Variants in CNPY3 observed in about 807,000 individuals in gnomAD.
CNPY3 encodes the protein canopy FGF signaling regulator 3.
Under a neutral mutation model 32.0 loss-of-function variants are expected in CNPY3, and 20 were observed. The observed-to-expected ratio is 0.63, with a 90% CI of 0.44 to 0.91. The LOEUF (loss-of-function observed/expected upper bound fraction) is 0.91, where lower values mean the gene tolerates loss of function less well. CNPY3 is among the 40% of genes least tolerant of loss of function. The probability of loss-of-function intolerance (pLI) is 0.00; values close to 1 mark genes in which losing one functional copy is unlikely to be tolerated. For synonymous variants in CNPY3, 138 were observed against 142.9 expected (o/e 0.97, Z 0.24); for missense variants, 299 against 340.8 (o/e 0.88, Z 0.97).
intron 2 of CNPY3, 58 bp from the exon 3 acceptor site, chr6:42,935,516 C>T (rs1221229559): frequency 6.3e-7 from 1 of 1,577,554 alleles, no homozygotes; most frequent in African/African-American, 1.3e-5. Context: ...GAGGGACAGA[C>T]CACTAACCCA....
chr6:42,934,153 A>G (rs908312770), intron 1 of CNPY3, among the ~76,000 whole-genome samples: 2 of 145,236 alleles, frequency 1.4e-5, no homozygotes, highest in Non-Finnish European at 3.0e-5. Context: ...ACTCCATCTC[A>G]AAAAAAAAAA....
chr6:42,931,818 G>A (rs999265565), intron 1 of CNPY3, among the ~76,000 whole-genome samples: 1 of 152,020 alleles, frequency 6.6e-6, no homozygotes, highest in East Asian at 1.9e-4. Flanking sequence ...CTGCCTCCAG[G>A]GTTCAAGTGA....
At chr6:42,931,051 A>G (rs1468439829) in intron 1 of CNPY3, among the ~76,000 whole-genome samples, 1 of 151,726 alleles carries the variant, frequency 6.6e-6, no homozygotes, top group Non-Finnish European at 1.5e-5. Context: ...CACCATGCCC[A>G]GCTAATTTTT....
chr6:42,935,148 G>A (rs1195356635), intron 2 of CNPY3, among the ~76,000 whole-genome samples: 2 of 152,136 alleles, frequency 1.3e-5, no homozygotes, highest in African/African-American at 4.8e-5. Context: ...GATTACAGGT[G>A]TGAGCCACCA....
chr6:42,929,687 G>T lies in CNPY3; in HGVS notation c.117G>T (p.Glu39Asp). 6.4e-7 allele frequency: 1 copy of T among 1,551,116 alleles called. No individual in the cohort carries two copies. The highest frequency in any genetic ancestry group is 8.7e-7 in the Non-Finnish European group (1 of 1,147,120). The change falls in exon 1 of 6, where the codon GAG (glutamate) becomes GAT (aspartate). Residue 39 changes from glutamate to aspartate, a missense_variant. Coordinates refer to ENST00000372836, the MANE Select transcript of CNPY3 (RefSeq NM_006586.5). ...ELGPSQAGAE[E>D]NDWVRLPSKC... is the part of the protein sequence containing the mutation. ...GCCCGAGCCAGGCCGGAGCTGAGGAGAACGACTGGGTTCGCCTGCCCAGCA... is the reference window on the plus strand; with the variant it reads ...GCCCGAGCCAGGCCGGAGCTGAGGATAACGACTGGGTTCGCCTGCCCAGCA...
chr6:42,935,824 CTT>C (rs753087895), intron 3 of CNPY3, among the ~76,000 whole-genome samples, 154 bp downstream of exon 3: 3 of 152,162 alleles, frequency 2.0e-5, no homozygotes, highest in Non-Finnish European at 2.9e-5. Flanking sequence ...CTCCTCCCCT[CTT>C]GAGTGGCCTC....
rs1444012765 is a variant in CNPY3, at chr6:42,929,797, G to C, written c.151+76G>C. The C allele has an allele frequency of 6.8e-6, 10 of 1,466,064 alleles. No individual in the cohort carries two copies. The East Asian group carries it at 1.5e-4, about 22-fold the overall frequency. The allele number at this position is 1,466,064 out of a possible 1,614,324, so 90.8% of individuals were successfully genotyped here. ...GCGGTGGTGCTTGCGGAGCAGCGTCGGGGGTTGCAAGGTTCCGAGCTCTGC... is the reference window on the plus strand; with the variant it reads ...GCGGTGGTGCTTGCGGAGCAGCGTCCGGGGTTGCAAGGTTCCGAGCTCTGC... On this transcript the variant is annotated intron_variant, in intron 1 of 5. Coordinates refer to ENST00000372836, the MANE Select transcript of CNPY3 (RefSeq NM_006586.5).
chr6:42,936,343 A>C (rs1396191426), intron 3 of CNPY3, among the ~76,000 whole-genome samples: 1 of 152,188 alleles, frequency 6.6e-6, no homozygotes, highest in East Asian at 1.9e-4. Context: ...TCAGTAATAA[A>C]TCTGTGTTTG....
intron 1 of CNPY3, among the ~76,000 whole-genome samples, chr6:42,934,124 C>T (rs1581707899): frequency 6.6e-6 from 1 of 151,824 alleles, no homozygotes; most frequent in Admixed American, 6.6e-5. Context: ...TGTACTCTAG[C>T]CTGGGCAACA....
Position 42,929,555 on chromosome 6 carries a change from C to T in CNPY3, c.-16C>T, listed in dbSNP as rs1288283445. On this transcript the variant is annotated 5_prime_UTR_variant, in exon 1 of 6. Transcript: ENST00000372836. The stretch of plus-strand genomic sequence containing the variant: ...AGGAACCGCCCGGTCCTTTAGGGTC[C>T]GGGCCCGGCCGGGCCATGGATTCAA... 1.3e-6 allele frequency: 2 copies of T among 1,561,984 alleles called. No individual in the cohort carries two copies. Among genetic ancestry groups the T allele is most frequent in the Non-Finnish European group, 8.7e-7 (1 of 1,153,246 alleles).
intron 1 of CNPY3, among the ~76,000 whole-genome samples, chr6:42,931,884 C>T (rs775446276): frequency 1.7e-4 from 26 of 151,488 alleles, no homozygotes; most frequent in Non-Finnish European, 3.4e-4. Context: ...CCATCATGCC[C>T]GGGTAATTTT....
intron 1 of CNPY3, among the ~76,000 whole-genome samples, 165 bp downstream of exon 1, chr6:42,929,886 C>T (rs1053153936): frequency 6.6e-6 from 1 of 152,166 alleles, no homozygotes; most frequent in African/African-American, 2.4e-5. Context: ...AGATCTGGTC[C>T]CGGTACCCCT....
upstream of CNPY3, among the ~76,000 whole-genome samples, chr6:42,928,832 C>A (rs1446741610): frequency 6.6e-6 from 1 of 152,092 alleles, no homozygotes. Flanking sequence ...TTTGAGCTTC[C>A]CAACAACAGG....
chr6:42,934,759 G>A (rs950034646), intron 2 of CNPY3, among the ~76,000 whole-genome samples, 161 bp downstream of exon 2: 4 of 152,212 alleles, frequency 2.6e-5, no homozygotes, highest in East Asian at 1.9e-4. Flanking sequence ...ATTGGGTGAC[G>A]TGCATAAATC....
intron 4 of CNPY3, 112 bp from the exon 5 acceptor site, chr6:42,937,978 G>T: frequency 6.9e-7 from 1 of 1,459,016 alleles, no homozygotes; most frequent in Non-Finnish European, 9.6e-7. Flanking sequence ...AGTTTCCTTA[G>T]GTGAACCGCT....
rs1341323178 is a variant in CNPY3, at chr6:42,938,776, C to T, written c.822C>T (p.Pro274=). 3 of 1,610,250 alleles carry T rather than the reference C, an allele frequency of 1.9e-6. No individual in the cohort carries two copies. Among genetic ancestry groups the T allele is most frequent in the Non-Finnish European group, 8.5e-7 (1 of 1,177,698 alleles). ...IQKASPLTHS[P]PDEL The stretch of plus-strand genomic sequence containing the variant: ...AGGCATCCCCTCTCACACACAGCCC[C>T]CCTGATGAGCTCTGAGCCCACCCAG... Residue 274 remains proline (P), a synonymous_variant, in exon 6 of 6, where the codon CCC becomes CCT. Transcript: ENST00000372836.
At chr6:42,936,291 G>T (rs914115651) in intron 3 of CNPY3, among the ~76,000 whole-genome samples, 2 of 151,782 alleles carry the variant, frequency 1.3e-5, no homozygotes, top group South Asian at 4.2e-4. Flanking sequence ...GGATACCTAA[G>T]GGAATAGTCT....
At chr6:42,938,000 C>T (rs1341069770) in intron 4 of CNPY3, 90 bp from the exon 5 acceptor site, 1 of 1,444,622 alleles carries the variant, frequency 6.9e-7, no homozygotes, top group African/African-American at 1.4e-5. Context: ...CCACTGCCTA[C>T]CTTGCAGTGG....
At chr6:42,930,442 C>G (rs943831422) in intron 1 of CNPY3, among the ~76,000 whole-genome samples, 8 of 152,052 alleles carry the variant, frequency 5.3e-5, no homozygotes, top group African/African-American at 1.9e-4. Context: ...CTGAGGAGCC[C>G]TTTGGGGGAA....
Sources: gnomAD v4.1 joint callset for allele counts (sites outside exome capture counted in the v4.1 genomes callset) on GRCh38, gnomAD v4.1.1 for gene constraint, MANE v1.5 for transcripts, NCBI Gene and HGNC (gene_info 2026-07-23, HGNC 2026-07-21) for gene names.